Variants in AGO2 observed in about 807,000 individuals in gnomAD.
The protein encoded by AGO2 is argonaute RISC catalytic component 2.
In AGO2, 5 loss-of-function variants were observed where a neutral mutation model predicts 102.3. That is an observed-to-expected ratio of 0.05 (90% CI 0.03 to 0.10). The LOEUF (loss-of-function observed/expected upper bound fraction) is 0.10. AGO2 is among the 10% of genes least tolerant of loss of function. AGO2 has a pLI of 1.00. For missense variants in AGO2, 541 were observed against 1,183.7 expected, an observed-to-expected ratio of 0.46 and a Z score of 7.97; for synonymous variants, 449 against 473.1, an observed-to-expected ratio of 0.95 and a Z score of 0.66.
chr8:140,539,193 G>T lies in AGO2; in HGVS notation c.2169+127C>A. 1 of 1,359,770 alleles carries T rather than the reference G, an allele frequency of 7.4e-7. No individual in the cohort carries two copies. 84.2% of individuals were successfully genotyped at this position (1,359,770 alleles called of 1,614,324 possible). ...ACCTGGGTCCCCATGAAGCCCCTTAGAGGACAGAGTCACCCTAGAGCCTGG... is the reference window on the plus strand; with the variant it reads ...ACCTGGGTCCCCATGAAGCCCCTTATAGGACAGAGTCACCCTAGAGCCTGG... On this transcript the variant is annotated intron_variant, in intron 16 of 18. Transcript: ENST00000220592. This position sits in a 1 kb window ranked among gnomAD's most constrained non-coding sequence, Gnocchi z 4.7.
At chr8:140,532,214 C>T (rs1564069915) in intron 18 of AGO2, 62 bp from the exon 19 acceptor site, 35 of 1,506,136 alleles carry the variant, frequency 2.3e-5, no homozygotes, top group South Asian at 7.9e-5. Context: ...TGAGGCAGTG[C>T]GTCGATCACT....
chr8:140,634,411 GGCCTGCGCC>G (rs1254997084), intron 1 of AGO2, among the ~76,000 whole-genome samples: 2 of 152,180 alleles, frequency 1.3e-5, no homozygotes, highest in Non-Finnish European at 2.9e-5. Context: ...AGCCCGGCGG[GGCCTGCGCC>G]GCCTGCGGCC....
intron 6 of AGO2, 118 bp from the exon 7 acceptor site, chr8:140,558,690 C>A: frequency 9.2e-7 from 1 of 1,086,558 alleles, no homozygotes. Context: ...TGGGGGGCTG[C>A]AGGGCTCCCC....
chr8:140,556,349 G>C, intron 8 of AGO2, 63 bp from the exon 9 acceptor site: 2 of 1,590,656 alleles, frequency 1.3e-6, no homozygotes, highest in Non-Finnish European at 1.7e-6. Flanking sequence ...GGAGCAGGCA[G>C]GGGGCTCAGG....
intron 6 of AGO2, 111 bp from the exon 7 acceptor site, chr8:140,558,683 G>T (rs1439445869): frequency 2.6e-6 from 3 of 1,172,076 alleles, no homozygotes; most frequent in Non-Finnish European, 3.7e-6. Flanking sequence ...CAAGTTATGG[G>T]GGGCTGCAGG....
Position 140,618,064 on chromosome 8 carries a change from G to A in AGO2, c.22+17421C>T, listed in dbSNP as rs184440296. Among the ~76,000 whole-genome samples the A allele has an allele frequency of 1.3e-3, 195 of 152,168 alleles. 1 individual carries two copies. Among genetic ancestry groups the A allele is most frequent in the Non-Finnish European group, 3.8e-4 (26 of 68,004 alleles). On this transcript the variant is annotated intron_variant, in intron 1 of 18. Coordinates refer to ENST00000220592, the MANE Select transcript of AGO2 (RefSeq NM_012154.5). ...CACGCCTGTAATCCCAGCACTTTGG[G>A]AGGCCTAGACGGGCAGATCACGAGG...
chr8:140,574,839 G>A (rs2073440711), intron 2 of AGO2, among the ~76,000 whole-genome samples: 1 of 152,214 alleles, frequency 6.6e-6, no homozygotes, highest in Non-Finnish European at 1.5e-5. Context: ...GGTGGGATTG[G>A]AGCGTGGCTA....
At chr8:140,635,193 C>CGGGCCCGAGGCGCGGGAG (rs2074390721) in intron 1 of AGO2, among the ~76,000 whole-genome samples, 1 of 146,056 alleles carries the variant, frequency 6.8e-6, no homozygotes, top group Admixed American at 6.8e-5. Context: ...CGCTGGGACG[C>CGGGCCCGAGGCGCGGGAG]GGGCCCGAGG....
At chr8:140,612,400 G>A (rs1411311774) in intron 1 of AGO2, among the ~76,000 whole-genome samples, 1 of 152,162 alleles carries the variant, frequency 6.6e-6, no homozygotes, top group Non-Finnish European at 1.5e-5. Context: ...CAAAACACAT[G>A]GGAGACAGGA....
At chr8:140,597,465 G>GCCCCC (rs1564108147) in intron 1 of AGO2, among the ~76,000 whole-genome samples, 18 of 79,278 alleles carry the variant, frequency 2.3e-4, no homozygotes, top group African/African-American at 8.8e-4. Context: ...GGGGCTGGGT[G>GCCCCC]GCCCCCCCAC....
intron 10 of AGO2, chr8:140,555,471 G>A (rs2073078156): frequency 6.0e-6 from 1 of 165,994 alleles, no homozygotes; most frequent in Non-Finnish European, 1.3e-5. Flanking sequence ...TCTAGCTCGG[G>A]TGACAGAGCA....
chr8:140,628,324 G>A (rs191404232), intron 1 of AGO2, among the ~76,000 whole-genome samples: 3 of 152,344 alleles, frequency 2.0e-5, no homozygotes, highest in Admixed American at 2.0e-4. Flanking sequence ...ACGTGTGTGA[G>A]GCCCCAGGAA....
chr8:140,571,271 C>T (rs569496266), intron 3 of AGO2, among the ~76,000 whole-genome samples: 8 of 152,290 alleles, frequency 5.3e-5, no homozygotes, highest in African/African-American at 1.7e-4. Flanking sequence ...TTTGTCAGAG[C>T]GTGATAAGGT....
intron 16 of AGO2, among the ~76,000 whole-genome samples, chr8:140,537,735 T>C (rs1225439139): frequency 6.6e-6 from 1 of 152,250 alleles, no homozygotes; most frequent in Non-Finnish European, 1.5e-5. Flanking sequence ...TACTTTTTTT[T>C]TCTTTACATA....
rs2072853717 is a variant in AGO2 at position 140,544,294 on chromosome 8, C to T, written c.1758G>A (p.Val586=). 4 of 1,601,984 alleles carry T rather than the reference C, an allele frequency of 2.5e-6. No individual in the cohort carries two copies. The highest frequency in any genetic ancestry group is 3.4e-6 in the Non-Finnish European group (4 of 1,175,182). The part of the protein sequence containing the change: ...NILLPQGRPP[V]FQQPVIFLGA... ...CCAGAAAGATGACGGGCTGCTGGAA[C>T]ACCGGCGGCCTGCGGAGAGGAGTGG... The change falls in exon 14 of 19, where the codon GTG becomes GTA. Residue 586 remains valine, a synonymous_variant. Transcript: ENST00000220592.
intron 1 of AGO2, among the ~76,000 whole-genome samples, chr8:140,627,755 C>T (rs1298739497): frequency 3.3e-5 from 5 of 152,194 alleles, no homozygotes; most frequent in Admixed American, 1.3e-4. Context: ...AGTGGACTAG[C>T]TGTGTTCACA....
rs1251159218 is a variant in AGO2, at chr8:140,560,354, G to A, written c.655+20C>T. On this transcript the variant is annotated intron_variant, in intron 5 of 18. Coordinates refer to ENST00000220592, the MANE Select transcript of AGO2 (RefSeq NM_012154.5). ...ATGCCCAACCCTGCCCTGCAGTGAA[G>A]ACCCCAGGGCGCTGCTTACCATCAA... 23 of 1,610,228 alleles carry A rather than the reference G, an allele frequency of 1.4e-5. No homozygotes were observed. The highest frequency in any genetic ancestry group is 1.9e-5 in the Non-Finnish European group (22 of 1,177,090).
intron 13 of AGO2, among the ~76,000 whole-genome samples, chr8:140,546,022 G>A (rs965924658): frequency 1.3e-5 from 2 of 152,202 alleles, no homozygotes; most frequent in Non-Finnish European, 2.9e-5. Context: ...TGACCTGGGT[G>A]CCTCCACCAG....
chr8:140,584,982 T>C (rs1031740429), intron 2 of AGO2, 137 bp downstream of exon 2: 24 of 781,366 alleles, frequency 3.1e-5, no homozygotes, highest in Non-Finnish European at 4.1e-5. Flanking sequence ...AAAACTGTTT[T>C]TGAAAAGCAA....
Sources: gnomAD v4.1 joint callset for allele counts (sites outside exome capture counted in the v4.1 genomes callset) on GRCh38, gnomAD v4.1.1 for gene constraint, Gnocchi (gnomAD v3.1) non-coding constraint, MANE v1.5 for transcripts, NCBI Gene and HGNC (gene_info 2026-07-23, HGNC 2026-07-21) for gene names.